The following NRG3 variants were observed in gnomAD, a reference collection of about 807,000 sequenced individuals.
NRG3 encodes neuregulin 3.
A neutral mutation model predicts 66.9 loss-of-function variants in NRG3; 31 were observed. That is an observed-to-expected ratio of 0.46 (90% CI 0.35 to 0.63). The LOEUF is 0.63. Among genes scored for constraint, NRG3 ranks in the 20% least tolerant of loss-of-function variants. The pLI is 0.00. For synonymous variants in NRG3, 393 were observed against 359.4 expected, an observed-to-expected ratio of 1.09 and a Z score of -1.06; for missense variants, 910 against 878.9, an observed-to-expected ratio of 1.04 and a Z score of -0.45.
intron 2 of NRG3, among the ~76,000 whole-genome samples, chr10:82,515,188 A>G (rs1019030305): frequency 3.3e-5 from 5 of 152,176 alleles, no homozygotes; most frequent in African/African-American, 1.2e-4. Flanking sequence ...AGTTGTGTCT[A>G]ATTTCAAAAG....
intron 1 of NRG3, among the ~76,000 whole-genome samples, chr10:81,899,764 T>C (rs563908819): frequency 6.6e-6 from 1 of 151,986 alleles, no homozygotes; most frequent in Admixed American, 6.5e-5. Context: ...TGTCCACCTT[T>C]AGGCATCTTG....
intron 4 of NRG3, among the ~76,000 whole-genome samples, chr10:82,871,512 G>A (rs1841337707): frequency 6.6e-6 from 1 of 152,092 alleles, no homozygotes; most frequent in Non-Finnish European, 1.5e-5. Flanking sequence ...GTTGAAAAGA[G>A]CTGACATCTT....
intron 2 of NRG3, among the ~76,000 whole-genome samples, chr10:82,517,348 A>G (rs1451477497): frequency 6.6e-6 from 1 of 152,170 alleles, no homozygotes; most frequent in Non-Finnish European, 1.5e-5. Context: ...TTAAATAAGC[A>G]TGGCAGTTTT....
At chr10:82,057,652 T>TAAAC (rs2063914355) in intron 1 of NRG3, among the ~76,000 whole-genome samples, 1 of 151,920 alleles carries the variant, frequency 6.6e-6, no homozygotes, top group African/African-American at 2.4e-5. Flanking sequence ...AAGGGTATGA[T>TAAAC]AAATTTTGTT....
At chr10:82,467,384 C>T (rs1442392115) in intron 2 of NRG3, among the ~76,000 whole-genome samples, 1 of 152,164 alleles carries the variant, frequency 6.6e-6, no homozygotes, top group Admixed American at 6.5e-5. Flanking sequence ...TTCCACGCTG[C>T]CAAACTCATG....
chr10:82,492,668 T>A (rs1481881444), intron 2 of NRG3, among the ~76,000 whole-genome samples: 1 of 152,222 alleles, frequency 6.6e-6, no homozygotes, highest in Non-Finnish European at 1.5e-5. Flanking sequence ...GAAAGTTGAA[T>A]GTATAAGTTC....
At chr10:82,176,198 A>G (rs1016818855) in intron 1 of NRG3, among the ~76,000 whole-genome samples, 1 of 152,174 alleles carries the variant, frequency 6.6e-6, no homozygotes, top group Non-Finnish European at 1.5e-5. Context: ...TTTAGAAGCC[A>G]TTTTATGAGA....
chr10:82,592,256 G>A (rs1410589250), intron 2 of NRG3, among the ~76,000 whole-genome samples: 1 of 152,182 alleles, frequency 6.6e-6, no homozygotes, highest in Non-Finnish European at 1.5e-5. Flanking sequence ...GATTCTGGAT[G>A]ATGTCAGTTT....
intron 1 of NRG3, among the ~76,000 whole-genome samples, chr10:81,927,217 C>A (rs1340073189): frequency 6.6e-6 from 1 of 152,112 alleles, no homozygotes; most frequent in East Asian, 1.9e-4. Context: ...TCAAGAATTG[C>A]TTAGAAAGTA....
intron 2 of NRG3, among the ~76,000 whole-genome samples, chr10:82,447,019 G>A (rs551885341): frequency 6.6e-6 from 1 of 152,314 alleles, no homozygotes; most frequent in South Asian, 2.1e-4. Context: ...AATGGATCAA[G>A]AGGAGACAGT....
rs148129503 is a variant in NRG3 at position 82,809,151 on chromosome 10, C to T, written c.1028-56260C>T. ...GCCATGAGAAGCCATTAAAGAGCCC[C>T]ATCCCATATTATCCAATATATATTT... On this transcript the variant is annotated intron_variant, in intron 3 of 8. Transcript: ENST00000372141. Among the ~76,000 whole-genome samples, 326 of 152,198 alleles carry T rather than the reference C, an allele frequency of 2.1e-3. 1 individual carries two copies. The highest frequency in any genetic ancestry group is 7.5e-3 in the African/African-American group (311 of 41,526).
chr10:81,983,147 G>A (rs1251241928), intron 1 of NRG3, among the ~76,000 whole-genome samples: 1 of 152,124 alleles, frequency 6.6e-6, no homozygotes, highest in East Asian at 1.9e-4. Context: ...TAAATTGCTT[G>A]TAAATTCACT....
chr10:82,777,584 G>A (rs2059956109), intron 3 of NRG3, among the ~76,000 whole-genome samples: 1 of 152,168 alleles, frequency 6.6e-6, no homozygotes, highest in Non-Finnish European at 1.5e-5. Flanking sequence ...AGAGAACAGG[G>A]AGGTAGTTGT....
intron 4 of NRG3, among the ~76,000 whole-genome samples, chr10:82,923,840 G>A (rs1846702948): frequency 6.6e-6 from 1 of 151,970 alleles, no homozygotes; most frequent in Non-Finnish European, 1.5e-5. Flanking sequence ...GTTAAAGGTA[G>A]AGAGAGGGCC....
At chr10:81,995,766 C>T (rs1281122262) in intron 1 of NRG3, among the ~76,000 whole-genome samples, 1 of 152,180 alleles carries the variant, frequency 6.6e-6, no homozygotes, top group Non-Finnish European at 1.5e-5. Context: ...CCTTGTGGGT[C>T]TTCAATATTC....
intron 1 of NRG3, among the ~76,000 whole-genome samples, chr10:82,104,122 G>A (rs1427224848): frequency 6.6e-6 from 1 of 151,878 alleles, no homozygotes; most frequent in African/African-American, 2.4e-5. Flanking sequence ...TCTCTCATTT[G>A]CCTGCCAATA....
chr10:82,711,949 T>G (rs1330076746), intron 2 of NRG3, among the ~76,000 whole-genome samples: 1 of 152,230 alleles, frequency 6.6e-6, no homozygotes, highest in African/African-American at 2.4e-5. Flanking sequence ...TAAATAAATT[T>G]GAAATAAATG....
In NRG3 at chr10:82,398,259, G is replaced by A. The variant is rs533902046; in HGVS notation, c.953+39391G>A. Among the ~76,000 whole-genome samples the A allele has an allele frequency of 3.0e-4, 45 of 152,190 alleles. No individual in the cohort carries two copies. The Middle Eastern group carries it at 0.01, about 35-fold the overall frequency. ...GAGAGAAACCAAATAGGAGCTAACA[G>A]GTCAGCTGTGGACAGCAAGAGAAAG... On this transcript the variant is annotated intron_variant, in intron 2 of 8. Coordinates refer to ENST00000372141, the MANE Select transcript of NRG3 (RefSeq NM_001010848.4).
At chr10:82,150,030 A>AG (rs1344996410) in intron 1 of NRG3, among the ~76,000 whole-genome samples, 1 of 152,078 alleles carries the variant, frequency 6.6e-6, no homozygotes, top group Non-Finnish European at 1.5e-5. Context: ...GCTGATTTTC[A>AG]GGGGGGAGTG....
Sources: allele counts gnomAD v4.1 joint callset (sites outside exome capture counted in the v4.1 genomes callset), GRCh38; gene constraint gnomAD v4.1.1; transcripts MANE v1.5; gene names NCBI Gene and HGNC (gene_info 2026-07-23, HGNC 2026-07-21).